Variants in ADAMTS14 observed in about 807,000 individuals in gnomAD.
ADAMTS14 encodes the protein ADAM metallopeptidase with thrombospondin type 1 motif 14.
In ADAMTS14, 100 loss-of-function variants were observed where a neutral mutation model predicts 128.6. The observed-to-expected ratio is 0.78, with a 90% CI of 0.66 to 0.92. The LOEUF (loss-of-function observed/expected upper bound fraction) is 0.92. Ranked by LOEUF, ADAMTS14 falls within the 40% of genes least tolerant of loss-of-function variation. The probability of loss-of-function intolerance (pLI) is 0.00; values close to 1 mark genes in which losing one functional copy is unlikely to be tolerated. For missense variants in ADAMTS14, 1,562 were observed against 1,658.6 expected, an observed-to-expected ratio of 0.94 and a Z score of 1.01; for synonymous variants, 665 against 653.8, an observed-to-expected ratio of 1.02 and a Z score of -0.26.
rs749512850 is a variant in ADAMTS14 at position 70,702,374 on chromosome 10, G to C, written c.585G>C (p.Gln195His). The C allele has an allele frequency of 7.4e-6, 12 of 1,614,184 alleles. No individual in the cohort carries two copies. Among genetic ancestry groups the C allele is most frequent in the Non-Finnish European group, 1.0e-5 (12 of 1,180,038 alleles). ...FFIEPLERGQ[Q>H]EKEASGRTHV... ...TTGAGCCTCTGGAGCGGGGCCAGCA[G>C]GAGAAGGAGGCCAGCGGGAGGACAC... is the stretch of plus-strand genomic sequence containing the variant. The change falls in exon 3 of 22, where the codon CAG becomes CAC. Residue 195 changes from glutamine (Q) to histidine (H), a missense_variant. Gln to His is a conservative substitution (Grantham distance 24). Transcript: ENST00000373207.
chr10:70,751,494 AG>A lies in ADAMTS14; in HGVS notation c.2447del (p.Gly816ValfsTer97). 1 of 1,605,976 alleles carries A rather than the reference AG, an allele frequency of 6.2e-7. No individual in the cohort carries two copies. Among genetic ancestry groups the A allele is most frequent in the Non-Finnish European group, 8.5e-7 (1 of 1,173,314 alleles). On this transcript the variant is annotated frameshift_variant, in exon 17 of 22. Transcript: ENST00000373207. ...TCCCCTCAGGCTCTCCCCCCAACTG[AG>A]GGTGGCCCCCGCAGCAGCCTGGCCT... ...AIAILALPPT[E>X]GGPRSSLAYK...
chr10:70,759,181 T>C (rs1171967530), intron 21 of ADAMTS14, among the ~76,000 whole-genome samples: 1 of 121,200 alleles, frequency 8.3e-6, no homozygotes, highest in Non-Finnish European at 1.8e-5. Context: ...CTGGGTTTCC[T>C]GCCGTCTTCC....
chr10:70,710,443 G>A (rs773858809), intron 4 of ADAMTS14, among the ~76,000 whole-genome samples: 32 of 152,254 alleles, frequency 2.1e-4, no homozygotes, highest in Non-Finnish European at 3.8e-4. Context: ...TGTCTGGAGA[G>A]GATAAAGAGG....
chr10:70,751,397 T>C (rs1842343460), intron 16 of ADAMTS14, 81 bp from the exon 17 acceptor site: 1 of 1,409,626 alleles, frequency 7.1e-7, no homozygotes, highest in African/African-American at 1.4e-5. Flanking sequence ...CCTAAGGCCT[T>C]CTCTTCGGCC....
intron 4 of ADAMTS14, among the ~76,000 whole-genome samples, chr10:70,719,736 T>C (rs543467107): frequency 6.6e-5 from 10 of 152,350 alleles, no homozygotes; most frequent in Admixed American, 1.3e-4. Flanking sequence ...ACAGATGCCA[T>C]TGATCAAGCA....
rs533383589 is a variant in ADAMTS14 at position 70,683,180 on chromosome 10, G to A, written c.522+8185G>A. On this transcript the variant is annotated intron_variant, in intron 2 of 21. Transcript: ENST00000373207. ...CTCACGTAGTCACTCTCCGTGGGCC[G>A]AGTGGGCGTGTAGGGGAAACCCGTT... Among the ~76,000 whole-genome samples the A allele has an allele frequency of 1.9e-4, 29 of 152,358 alleles. No individual in the cohort carries two copies. In the East Asian group the frequency reaches 5.0e-3, roughly 26 times the overall value.
At chr10:70,750,121 C>T in intron 16 of ADAMTS14, 136 bp downstream of exon 16, 1 of 1,119,206 alleles carries the variant, frequency 8.9e-7, no homozygotes, top group South Asian at 1.6e-5. Context: ...ACCTTCCATC[C>T]TGGGATTAGC....
chr10:70,742,237 A>T (rs1842022619), intron 12 of ADAMTS14, among the ~76,000 whole-genome samples: 1 of 152,150 alleles, frequency 6.6e-6, no homozygotes, highest in Non-Finnish European at 1.5e-5. Flanking sequence ...CTGCCCAGAG[A>T]GCTGCCTGCC....
chr10:70,678,648 G>A (rs1392064483), intron 2 of ADAMTS14, among the ~76,000 whole-genome samples: 2 of 151,994 alleles, frequency 1.3e-5, no homozygotes, highest in Admixed American at 6.6e-5. Flanking sequence ...GGAAGAAGGG[G>A]TGTGGGGCAG....
At chr10:70,707,552 T>C (rs1366496796) in intron 3 of ADAMTS14, among the ~76,000 whole-genome samples, 1 of 152,206 alleles carries the variant, frequency 6.6e-6, no homozygotes, top group African/African-American at 2.4e-5. Flanking sequence ...TATTCTATCT[T>C]CATTCAGGCT....
chr10:70,723,154 GAAA>G (rs1841323334), intron 4 of ADAMTS14, among the ~76,000 whole-genome samples: 1 of 152,144 alleles, frequency 6.6e-6, no homozygotes, highest in Admixed American at 6.5e-5. Flanking sequence ...CTAACCATGA[GAAA>G]ACCATCAGAC....
At chr10:70,727,379 C>G (rs1403914745) in intron 4 of ADAMTS14, among the ~76,000 whole-genome samples, 1 of 152,200 alleles carries the variant, frequency 6.6e-6, no homozygotes, top group Non-Finnish European at 1.5e-5. Context: ...GATCACTTTG[C>G]TTTTGAGTGG....
intron 4 of ADAMTS14, among the ~76,000 whole-genome samples, chr10:70,717,497 G>A (rs540248390): frequency 6.6e-6 from 1 of 152,290 alleles, no homozygotes; most frequent in South Asian, 2.1e-4. Flanking sequence ...TGGCTGGCAA[G>A]GCAGCAGTAT....
chr10:70,754,129 T>A, intron 19 of ADAMTS14, 122 bp downstream of exon 19: 1 of 1,010,122 alleles, frequency 9.9e-7, no homozygotes. Context: ...CAAATTTTGT[T>A]TTCCTTAAAG....
intron 2 of ADAMTS14, among the ~76,000 whole-genome samples, chr10:70,694,066 G>A (rs575461115): frequency 6.6e-6 from 1 of 152,348 alleles, no homozygotes; most frequent in East Asian, 1.9e-4. Context: ...GGCTTGGGCC[G>A]AAGACTTGGC....
intron 6 of ADAMTS14, among the ~76,000 whole-genome samples, chr10:70,730,547 C>T (rs1473995205): frequency 6.6e-6 from 1 of 152,182 alleles, no homozygotes; most frequent in African/African-American, 2.4e-5. Context: ...CCTCCATGGG[C>T]TTCAAGATGC....
rs1464541533 is a variant in ADAMTS14, at chr10:70,758,209, C to T, written c.3102C>T (p.Val1034=). 5 of 1,614,126 alleles carry T rather than the reference C, an allele frequency of 3.1e-6. No individual in the cohort carries two copies. The highest frequency in any genetic ancestry group is 4.2e-6 in the Non-Finnish European group (5 of 1,180,058). Residue 1034 remains valine, a synonymous_variant, in exon 21 of 22, where the codon GTC becomes GTT. Coordinates refer to ENST00000373207, the MANE Select transcript of ADAMTS14 (RefSeq NM_080722.4). ...AGAACTCCACGGTGAGGGCCGATGT[C>T]TGGGAACTTGGGACGCCAGAGGGGC... The part of the protein sequence containing the change: ...NHQNSTVRAD[V]WELGTPEGQW...
chr10:70,696,608 C>T (rs538156831), intron 2 of ADAMTS14, among the ~76,000 whole-genome samples: 6 of 152,210 alleles, frequency 3.9e-5, no homozygotes, highest in Admixed American at 2.6e-4. Flanking sequence ...TGGGTGTTTG[C>T]AAGAGAATTA....
At chr10:70,747,536 C>T (rs112065535) in intron 15 of ADAMTS14, among the ~76,000 whole-genome samples, 1,659 of 152,294 alleles carry the variant, frequency 0.011, 24 homozygotes, top group African/African-American at 0.038. Flanking sequence ...GTGGAGCTCA[C>T]GGACACTGCA....
Sources: gnomAD v4.1 joint callset for allele counts (sites outside exome capture counted in the v4.1 genomes callset) on GRCh38, gnomAD v4.1.1 for gene constraint, MANE v1.5 for transcripts, NCBI Gene and HGNC (gene_info 2026-07-23, HGNC 2026-07-21) for gene names.